CSMD1: variants seen among roughly 807,000 people sequenced by gnomAD.
The protein encoded by CSMD1 is CUB and Sushi multiple domains 1.
In CSMD1, 213 loss-of-function variants were observed where a neutral mutation model predicts 417.5. That is an observed-to-expected ratio of 0.51 (90% CI 0.46 to 0.57). CSMD1 has a LOEUF of 0.57. CSMD1 is among the 20% of genes least tolerant of loss of function. The pLI is 0.00. For missense variants in CSMD1, 6,923 were observed against 4,529.7 expected, an observed-to-expected ratio of 1.53 and a Z score of -15.17; for synonymous variants, 2,862 against 1,736.8, an observed-to-expected ratio of 1.65 and a Z score of -16.11.
intron 7 of CSMD1, among the ~76,000 whole-genome samples, chr8:3,636,289 G>C (rs925120482): frequency 2.6e-5 from 4 of 152,160 alleles, no homozygotes; most frequent in African/African-American, 9.7e-5. Context: ...TGAAGGCCCT[G>C]CCTGAGGCTG....
intron 5 of CSMD1, among the ~76,000 whole-genome samples, chr8:3,877,205 G>C (rs2930345): frequency 0.12 from 17,727 of 152,102 alleles, 2,348 homozygotes; most frequent in African/African-American, 0.33. Flanking sequence ...AGTGGACACT[G>C]GGCTCAGCAC....
At chr8:4,230,641 C>A (rs983350898) in intron 3 of CSMD1, among the ~76,000 whole-genome samples, 3 of 152,086 alleles carry the variant, frequency 2.0e-5, no homozygotes, top group African/African-American at 7.2e-5. Context: ...TTGTGACTAC[C>A]AAGTAGCTCA....
intron 5 of CSMD1, among the ~76,000 whole-genome samples, chr8:3,875,342 T>C (rs963473827): frequency 2.0e-5 from 3 of 152,148 alleles, no homozygotes; most frequent in Admixed American, 6.5e-5. Flanking sequence ...GAAGGAGAAT[T>C]AGATACTAAG....
intron 41 of CSMD1, among the ~76,000 whole-genome samples, chr8:3,119,240 G>T (rs942820108): frequency 1.5e-4 from 22 of 149,088 alleles, no homozygotes; most frequent in African/African-American, 4.7e-4. Context: ...AATGTTGGGT[G>T]AACATATACC....
At chr8:4,831,610 C>T (rs751496336) in intron 1 of CSMD1, among the ~76,000 whole-genome samples, 19 of 152,030 alleles carry the variant, frequency 1.2e-4, no homozygotes, top group Non-Finnish European at 2.5e-4. Flanking sequence ...CCACAGCCAC[C>T]TGGTGACACT....
At chr8:4,741,055 T>C (rs1171771487) in intron 1 of CSMD1, among the ~76,000 whole-genome samples, 1 of 152,190 alleles carries the variant, frequency 6.6e-6, no homozygotes, top group South Asian at 2.1e-4. Flanking sequence ...AATTTTCTTC[T>C]TAATCCTTAT....
At chr8:3,042,019 T>C (rs962099667) in intron 50 of CSMD1, among the ~76,000 whole-genome samples, 4 of 152,136 alleles carry the variant, frequency 2.6e-5, no homozygotes, top group Non-Finnish European at 5.9e-5. Flanking sequence ...CCTTAACAAC[T>C]TTGTGCGGGC....
intron 42 of CSMD1, among the ~76,000 whole-genome samples, chr8:3,115,412 G>A (rs1816805723): frequency 6.6e-6 from 1 of 152,124 alleles, no homozygotes; most frequent in African/African-American, 2.4e-5. Context: ...ATGTTGGCCA[G>A]GCTTGTCTCA....
intron 5 of CSMD1, among the ~76,000 whole-genome samples, chr8:3,909,475 C>A (rs529720966): frequency 3.9e-5 from 6 of 152,036 alleles, no homozygotes; most frequent in Admixed American, 2.6e-4. Context: ...GACAGCAGTG[C>A]GGAAATATCC....
At chr8:4,688,934 A>G (rs76154431) in intron 1 of CSMD1, among the ~76,000 whole-genome samples, 9,350 of 152,294 alleles carry the variant, frequency 0.061, 894 homozygotes, top group African/African-American at 0.2. Context: ...TAAAGCATTC[A>G]CTTTCTTATT....
intron 3 of CSMD1, among the ~76,000 whole-genome samples, chr8:4,214,824 A>T (rs989913512): frequency 6.6e-6 from 1 of 152,218 alleles, no homozygotes; most frequent in African/African-American, 2.4e-5. Flanking sequence ...AAATACGAAC[A>T]AATTTGAAAT....
chr8:3,184,931 G>A (rs1468267413), intron 36 of CSMD1, among the ~76,000 whole-genome samples: 1 of 152,158 alleles, frequency 6.6e-6, no homozygotes, highest in Non-Finnish European at 1.5e-5. Flanking sequence ...TAGCCTAAGT[G>A]CATCAGGCTA....
intron 23 of CSMD1, among the ~76,000 whole-genome samples, chr8:3,338,696 T>C (rs1173198786): frequency 2.6e-5 from 4 of 152,290 alleles, no homozygotes; most frequent in Non-Finnish European, 4.4e-5. Context: ...CTGAGGACTG[T>C]AACTTTCCAG....
At chr8:3,684,680 C>T (rs1179578445) in intron 7 of CSMD1, among the ~76,000 whole-genome samples, 1 of 151,130 alleles carries the variant, frequency 6.6e-6, no homozygotes, top group African/African-American at 2.4e-5. Flanking sequence ...TCACTGCTAG[C>T]TCCGCCTCGC....
At chr8:3,996,894 C>T (rs1021876313) in intron 5 of CSMD1, among the ~76,000 whole-genome samples, 1 of 152,182 alleles carries the variant, frequency 6.6e-6, no homozygotes, top group Non-Finnish European at 1.5e-5. Flanking sequence ...CGGTTTAAAA[C>T]AGGTGCTCAT....
At chr8:4,403,252 A>G (rs1265747826) in intron 3 of CSMD1, among the ~76,000 whole-genome samples, 5 of 152,184 alleles carry the variant, frequency 3.3e-5, no homozygotes, top group Non-Finnish European at 2.9e-5. Context: ...CTCCTACGTT[A>G]AAGGCAAAAC....
At chr8:4,890,790 A>G (rs952065266) in intron 1 of CSMD1, among the ~76,000 whole-genome samples, 1 of 152,162 alleles carries the variant, frequency 6.6e-6, no homozygotes, top group African/African-American at 2.4e-5. Flanking sequence ...CACCGACCTA[A>G]TACATTCCGG....
chr8:4,711,357 A>T (rs1808284661), intron 1 of CSMD1, among the ~76,000 whole-genome samples: 1 of 152,198 alleles, frequency 6.6e-6, no homozygotes, highest in African/African-American at 2.4e-5. Context: ...TGATAGCCAA[A>T]GTTTCCAGGA....
At chr8:3,159,866 G>C (rs898534060) in intron 38 of CSMD1, among the ~76,000 whole-genome samples, 3 of 152,146 alleles carry the variant, frequency 2.0e-5, no homozygotes, top group African/African-American at 7.2e-5. Context: ...TCTTCTCTGA[G>C]AGCTGTCATA....
Sources: gnomAD v4.1 joint callset for allele counts (sites outside exome capture counted in the v4.1 genomes callset) on GRCh38, gnomAD v4.1.1 for gene constraint, MANE v1.5 for transcripts, NCBI Gene and HGNC (gene_info 2026-07-23, HGNC 2026-07-21) for gene names.